The following CD247 variants were observed in gnomAD, a reference collection of about 807,000 sequenced individuals.
CD247 encodes the protein CD247 molecule.
In CD247, 13 loss-of-function variants were observed where a neutral mutation model predicts 30.0. The ratio of observed to expected loss-of-function variants is 0.43; its 90% CI spans 0.28 to 0.69. The LOEUF is 0.69. Ranked by LOEUF, CD247 falls within the 30% of genes least tolerant of loss-of-function variation. The pLI is 0.16. For missense variants in CD247, 193 were observed against 212.6 expected (o/e 0.91, Z 0.57); for synonymous variants, 72 against 80.0 (o/e 0.90, Z 0.53).
chr1:167,442,772 C>A (rs1001858676), intron 1 of CD247, among the ~76,000 whole-genome samples: 6 of 152,228 alleles, frequency 3.9e-5, no homozygotes, highest in Non-Finnish European at 8.8e-5. Flanking sequence ...TGACTCCAAC[C>A]CTAATTCAGG....
intron 1 of CD247, among the ~76,000 whole-genome samples, chr1:167,502,514 T>G (rs1458745427): frequency 6.6e-6 from 1 of 152,224 alleles, no homozygotes; most frequent in East Asian, 1.9e-4. Context: ...GAAACAAAGA[T>G]TAGAGTTTAG....
chr1:167,516,876 T>C (rs1481884044), intron 1 of CD247, among the ~76,000 whole-genome samples: 4 of 152,182 alleles, frequency 2.6e-5, no homozygotes, highest in Admixed American at 6.5e-5. Flanking sequence ...TCTTTCATTT[T>C]TCTTTCTAAC....
intron 1 of CD247, among the ~76,000 whole-genome samples, chr1:167,493,774 G>A (rs1021218531): frequency 1.3e-5 from 2 of 152,132 alleles, no homozygotes; most frequent in East Asian, 3.9e-4. Flanking sequence ...GCTAGTTAGG[G>A]GCAGTGCTGA....
chr1:167,482,077 G>A lies in CD247; in HGVS notation c.58+36331C>T, dbSNP rs756965818. On this transcript the variant is annotated intron_variant, in intron 1 of 7. Coordinates refer to ENST00000362089, the MANE Select transcript of CD247 (RefSeq NM_198053.3). ...CCCTCTGGACAACTCTTAGAAGGAG[G>A]CTCAACCTCTGAACTGTCTCAGCAT... Among the ~76,000 whole-genome samples the A allele has an allele frequency of 6.1e-4, 93 of 152,312 alleles. 1 individual carries two copies. Among genetic ancestry groups the A allele is most frequent in the Non-Finnish European group, 1.0e-3 (71 of 68,026 alleles).
intron 1 of CD247, among the ~76,000 whole-genome samples, chr1:167,506,720 T>G (rs1353423707): frequency 6.6e-6 from 1 of 152,086 alleles, no homozygotes; most frequent in African/African-American, 2.4e-5. Flanking sequence ...GAGAGATGCA[T>G]TCCTAAAGAC....
chr1:167,510,297 A>ACATG (rs1250434549), intron 1 of CD247, among the ~76,000 whole-genome samples: 1 of 152,232 alleles, frequency 6.6e-6, no homozygotes, highest in East Asian at 1.9e-4. Context: ...GCACACCTGC[A>ACATG]CATGCATGTC....
At chr1:167,510,738 GTA>G (rs1465930118) in intron 1 of CD247, among the ~76,000 whole-genome samples, 6 of 152,200 alleles carry the variant, frequency 3.9e-5, no homozygotes, top group African/African-American at 1.4e-4. Context: ...GTAGACTCTA[GTA>G]TCTACAGCAA....
At chr1:167,453,968 A>G (rs1652500794) in intron 1 of CD247, among the ~76,000 whole-genome samples, 1 of 152,088 alleles carries the variant, frequency 6.6e-6, no homozygotes, top group Admixed American at 6.5e-5. Context: ...TGCCTCAAAA[A>G]CAAAAACAAA....
intron 1 of CD247, among the ~76,000 whole-genome samples, chr1:167,451,277 G>A (rs1254220508): frequency 6.6e-6 from 1 of 152,122 alleles, no homozygotes. Context: ...TTTTGACAAG[G>A]ACACATTATG....
At chr1:167,435,788 C>G (rs1651520160) in intron 4 of CD247, among the ~76,000 whole-genome samples, 1 of 152,260 alleles carries the variant, frequency 6.6e-6, no homozygotes, top group Admixed American at 6.5e-5. Flanking sequence ...TGGAGCAGGG[C>G]CAGCCACTGG....
At chr1:167,459,718 T>C (rs1292355865) in intron 1 of CD247, 1 of 152,216 alleles carries the variant, frequency 6.6e-6, no homozygotes, top group Non-Finnish European at 1.5e-5. Flanking sequence ...CCTGAAATGG[T>C]GTGTGAAGGT....
chr1:167,490,140 C>G (rs925559848), intron 1 of CD247, among the ~76,000 whole-genome samples: 7 of 152,112 alleles, frequency 4.6e-5, no homozygotes, highest in Admixed American at 3.9e-4. Context: ...TCCATATATC[C>G]GGGACCTACG....
chr1:167,458,689 C>CTTTCTTTTTTTTTTTTTTTTTTTTT (rs1553231431), intron 1 of CD247: 1 of 95,426 alleles, frequency 1.0e-5, no homozygotes, highest in Non-Finnish European at 2.0e-5. Context: ...TTCTTTCTTT[C>CTTTCTTTTTTTTTTTTTTTTTTTTT]TTTTTTTTTT....
At chr1:167,507,822 G>A (rs1174721097) in intron 1 of CD247, among the ~76,000 whole-genome samples, 2 of 144,104 alleles carry the variant, frequency 1.4e-5, no homozygotes, top group East Asian at 4.2e-4. Context: ...AGTGAAGAAG[G>A]GAGACCCTAT....
chr1:167,491,087 T>G (rs1264134995), intron 1 of CD247, among the ~76,000 whole-genome samples: 1 of 152,186 alleles, frequency 6.6e-6, no homozygotes, highest in Non-Finnish European at 1.5e-5. Context: ...AAATCCTAGT[T>G]TTGGCACGTC....
chr1:167,454,201 A>G (rs952607526), intron 1 of CD247, among the ~76,000 whole-genome samples: 3 of 152,232 alleles, frequency 2.0e-5, no homozygotes, highest in Non-Finnish European at 4.4e-5. Context: ...ATTATTTTAC[A>G]AGAAAAAACA....
chr1:167,485,250 C>T (rs1379340322), intron 1 of CD247, among the ~76,000 whole-genome samples: 2 of 152,244 alleles, frequency 1.3e-5, no homozygotes, highest in Admixed American at 1.3e-4. Flanking sequence ...GAGCAGCCAA[C>T]TCAGCCCATC....
At chr1:167,471,123 G>A (rs764490288) in intron 1 of CD247, among the ~76,000 whole-genome samples, 9 of 151,876 alleles carry the variant, frequency 5.9e-5, no homozygotes, top group East Asian at 1.9e-4. Flanking sequence ...TGCCTGCCTC[G>A]GCTTCCCAAA....
intron 1 of CD247, among the ~76,000 whole-genome samples, chr1:167,505,054 A>G (rs1279498108): frequency 6.6e-6 from 1 of 152,210 alleles, no homozygotes; most frequent in African/African-American, 2.4e-5. Context: ...ATATTATTAT[A>G]ATATTCTCTT....
Sources: allele counts gnomAD v4.1 joint callset (sites outside exome capture counted in the v4.1 genomes callset), GRCh38; gene constraint gnomAD v4.1.1; transcripts MANE v1.5; gene names NCBI Gene and HGNC (gene_info 2026-07-23, HGNC 2026-07-21).